Variants in AFF2 observed in about 807,000 individuals in gnomAD.
AFF2 encodes AF4/FMR2 family member 2.
Under a neutral mutation model 76.9 loss-of-function variants are expected in AFF2, and 14 were observed. That is an observed-to-expected ratio of 0.18 (90% CI 0.12 to 0.28). AFF2 has a LOEUF of 0.28. AFF2 is among the 10% of genes least tolerant of loss of function. The pLI is 1.00. For synonymous variants in AFF2, 398 were observed against 366.7 expected (o/e 1.09, Z -0.98); for missense variants, 868 against 1,001.1 (o/e 0.87, Z 1.79).
rs201552726 is a variant in AFF2, at chrX:148,956,037, T to C, written c.1992T>C (p.His664=). Residue 664 remains histidine, a synonymous_variant, in exon 11 of 21, where the codon CAT becomes CAC. Transcript: ENST00000370460. ...TPKEKESVEL[H]DPPRGRNKAT... is the part of the protein sequence containing the mutation. Reference sequence around the variant, plus strand: ...AAGAAAAAGAAAGTGTGGAGCTTCATGACCCACCAAGAGGCCGCAACAAAG... The same window carrying C: ...AAGAAAAAGAAAGTGTGGAGCTTCACGACCCACCAAGAGGCCGCAACAAAG... The C allele has an allele frequency of 1.3e-4, 152 of 1,209,056 alleles. No individual in the cohort carries two copies. In the East Asian group the frequency reaches 4.3e-3, roughly 34 times the overall value.
At chrX:148,988,418 A>G (rs1557291865) in intron 20 of AFF2, among the ~76,000 whole-genome samples, 1 of 111,490 alleles carries the variant, frequency 9.0e-6, no homozygotes, top group African/African-American at 3.3e-5. Flanking sequence ...CAACCCAATC[A>G]TTTAAGTTTG....
At chrX:148,524,093 C>T (rs2052629901) in intron 1 of AFF2, among the ~76,000 whole-genome samples, 1 of 86,229 alleles carries the variant, frequency 1.2e-5, no homozygotes, top group Admixed American at 1.4e-4. Flanking sequence ...CTCTCTCTCT[C>T]TCTTTCTCTC....
chrX:148,701,288 C>T (rs1210945564), intron 3 of AFF2, among the ~76,000 whole-genome samples: 1 of 111,292 alleles, frequency 9.0e-6, no homozygotes, highest in African/African-American at 3.3e-5. Context: ...AATGTTCGAC[C>T]CATCTCTCAA....
At chrX:148,808,890 G>C (rs2070169270) in intron 3 of AFF2, among the ~76,000 whole-genome samples, 1 of 111,834 alleles carries the variant, frequency 8.9e-6, no homozygotes, top group African/African-American at 3.3e-5. Flanking sequence ...CCATACTTAA[G>C]TCTGTTGGGG....
chrX:148,989,488 T>C (rs1249205359), intron 20 of AFF2, among the ~76,000 whole-genome samples: 2 of 111,994 alleles, frequency 1.8e-5, no homozygotes, highest in African/African-American at 3.3e-5. Flanking sequence ...AGAGAGAAAA[T>C]GTGTCCTGTT....
At chrX:148,889,735 A>G (rs2071201468) in intron 8 of AFF2, among the ~76,000 whole-genome samples, 1 of 111,729 alleles carries the variant, frequency 9.0e-6, no homozygotes, top group South Asian at 3.8e-4. Flanking sequence ...AGAGCGTGTG[A>G]GAGTATAGCT....
chrX:148,759,023 C>T (rs935714556), intron 3 of AFF2, among the ~76,000 whole-genome samples: 3 of 111,893 alleles, frequency 2.7e-5, no homozygotes, highest in African/African-American at 9.8e-5. Context: ...ATCCACCCAC[C>T]CCAGCCTCCC....
At chrX:148,866,461 A>G (rs2070908441) in intron 7 of AFF2, among the ~76,000 whole-genome samples, 1 of 112,611 alleles carries the variant, frequency 8.9e-6, no homozygotes, top group South Asian at 3.7e-4. Context: ...ATACTGGCAC[A>G]AATTCCTGCA....
intron 1 of AFF2, among the ~76,000 whole-genome samples, chrX:148,641,848 AAGGATGCCAGTCTTAT>A (rs2054092360): frequency 9.0e-6 from 1 of 111,632 alleles, no homozygotes; most frequent in African/African-American, 3.3e-5. Context: ...CTCCTCTTAT[AAGGATGCCAGTCTTAT>A]AGGATTAGGG....
chrX:148,858,743 A>G (rs2070813863), intron 7 of AFF2, among the ~76,000 whole-genome samples: 1 of 111,154 alleles, frequency 9.0e-6, no homozygotes, highest in African/African-American at 3.3e-5. Flanking sequence ...TTAAAAAACT[A>G]TAAAATAACA....
intron 5 of AFF2, among the ~76,000 whole-genome samples, chrX:148,840,547 GGCTATT>G (rs1427321287): frequency 1.8e-5 from 2 of 112,481 alleles, no homozygotes; most frequent in African/African-American, 3.2e-5. Context: ...TTATTGTCAA[GGCTATT>G]GCTTAAAAGA....
chrX:148,901,072 A>C (rs1442488569), intron 8 of AFF2, among the ~76,000 whole-genome samples: 1 of 112,094 alleles, frequency 8.9e-6, no homozygotes, highest in African/African-American at 3.2e-5. Context: ...TTGGCTACTC[A>C]CAACCACCGT....
At chrX:148,943,455 G>C (rs910845265) in intron 9 of AFF2, among the ~76,000 whole-genome samples, 14 of 111,859 alleles carry the variant, frequency 1.3e-4, no homozygotes, top group Admixed American at 2.8e-4. Context: ...AGAAAGATGA[G>C]TTTTGTAGTG....
At chrX:148,762,014 G>T (rs782568194) in intron 3 of AFF2, among the ~76,000 whole-genome samples, 2 of 100,865 alleles carry the variant, frequency 2.0e-5, no homozygotes, top group African/African-American at 3.6e-5. Context: ...GATATAGATA[G>T]ATATATATTT....
In AFF2 at chrX:148,986,983, G is replaced by A. The variant is rs949547168; in HGVS notation, c.3624-384G>A. On this transcript the variant is annotated intron_variant, in intron 19 of 20. Transcript: ENST00000370460. ...ATGGAGCCCTCGGTGGTGGTCAAAG[G>A]CAGTGGAGACTTTGGTGTTTAATGT... Among the ~76,000 whole-genome samples, 9 of 111,284 alleles carry A rather than the reference G, an allele frequency of 8.1e-5. No homozygotes were observed. The Admixed American group carries it at 8.5e-4, about 11-fold the overall frequency.
At chrX:148,651,686 G>A (rs2054203110) in intron 1 of AFF2, among the ~76,000 whole-genome samples, 1 of 111,400 alleles carries the variant, frequency 9.0e-6, no homozygotes, top group Non-Finnish European at 1.9e-5. Flanking sequence ...CTGCACTGTG[G>A]GCTGACTTTT....
Position 148,727,187 on chromosome X carries a change from G to A in AFF2, c.1041+64419G>A, listed in dbSNP as rs1003411353. ...CTGCTAAAAGCTTCTAAATTAAGATGGACAAATTTTTTTTTTCATTTTATT... is the reference window on the plus strand; with the variant it reads ...CTGCTAAAAGCTTCTAAATTAAGATAGACAAATTTTTTTTTTCATTTTATT... On this transcript the variant is annotated intron_variant, in intron 3 of 20. Coordinates refer to ENST00000370460, the MANE Select transcript of AFF2 (RefSeq NM_002025.4). Among the ~76,000 whole-genome samples, 39 of 110,566 alleles carry A rather than the reference G, an allele frequency of 3.5e-4. No homozygotes were observed. The Admixed American group carries it at 3.7e-3, about 11-fold the overall frequency.
At chrX:148,562,717 C>T (rs1259909541) in intron 1 of AFF2, among the ~76,000 whole-genome samples, 4 of 111,627 alleles carry the variant, frequency 3.6e-5, no homozygotes, top group African/African-American at 9.8e-5. Flanking sequence ...TAATAGATGT[C>T]TCCCTTCCTC....
At chrX:148,541,074 T>C (rs1426451111) in intron 1 of AFF2, among the ~76,000 whole-genome samples, 1 of 112,424 alleles carries the variant, frequency 8.9e-6, no homozygotes, top group Non-Finnish European at 1.9e-5. Context: ...GATTATGATA[T>C]GACATTGCAG....
Sources: allele counts gnomAD v4.1 joint callset (sites outside exome capture counted in the v4.1 genomes callset), GRCh38; gene constraint gnomAD v4.1.1; transcripts MANE v1.5; gene names NCBI Gene and HGNC (gene_info 2026-07-23, HGNC 2026-07-21).